CSF1R: variants seen among roughly 807,000 people sequenced by gnomAD.
The protein encoded by CSF1R is colony stimulating factor 1 receptor, also known as macrophage colony-stimulating factor 1 receptor.
CSF1R carries 40 observed loss-of-function variants against 110.0 expected under a neutral mutation model. The observed-to-expected ratio is 0.36, with a 90% CI of 0.28 to 0.47. CSF1R has a LOEUF of 0.47. Ranked by LOEUF, CSF1R falls within the 20% of genes least tolerant of loss-of-function variation. The probability of loss-of-function intolerance (pLI) is 0.99; values close to 1 mark genes in which losing one functional copy is unlikely to be tolerated. For synonymous variants in CSF1R, 523 were observed against 503.4 expected, an observed-to-expected ratio of 1.04 and a Z score of -0.52; for missense variants, 1,052 against 1,253.0, an observed-to-expected ratio of 0.84 and a Z score of 2.42.
intron 1 of CSF1R, among the ~76,000 whole-genome samples, chr5:150,101,369 T>C (rs918262772): frequency 2.6e-5 from 4 of 152,224 alleles, no homozygotes; most frequent in Non-Finnish European, 4.4e-5. Context: ...AGCTGAATAC[T>C]GTAGATGAGA....
At chr5:150,058,291 G>A (rs1200862135) in intron 14 of CSF1R, 2 of 456,182 alleles carry the variant, frequency 4.4e-6, no homozygotes, top group Non-Finnish European at 8.8e-6. Context: ...CACACTTGGG[G>A]TAGAGAATTT....
intron 1 of CSF1R, among the ~76,000 whole-genome samples, chr5:150,084,261 C>T (rs191827192): frequency 6.6e-6 from 1 of 150,996 alleles, no homozygotes; most frequent in Admixed American, 6.6e-5. Context: ...ACCCCGGAGG[C>T]GGAGGTTGCA....
chr5:150,055,945 G>A (rs1561904351), intron 18 of CSF1R, 81 bp downstream of exon 18: 6 of 1,286,676 alleles, frequency 4.7e-6, no homozygotes, highest in Non-Finnish European at 5.5e-6. Context: ...TGTGTCCTGG[G>A]CACCAAACAG....
At chr5:150,062,158 C>T (rs1283940386) in intron 10 of CSF1R, among the ~76,000 whole-genome samples, 2 of 152,086 alleles carry the variant, frequency 1.3e-5, no homozygotes, top group African/African-American at 2.4e-5. Flanking sequence ...AATTCCTGAG[C>T]CAGGAGGGAG....
chr5:150,085,551 T>C (rs1186421295), intron 1 of CSF1R, among the ~76,000 whole-genome samples: 2 of 151,992 alleles, frequency 1.3e-5, no homozygotes, highest in Non-Finnish European at 2.9e-5. Context: ...CCCTCCCAGA[T>C]GGAAATTCTG....
intron 6 of CSF1R, 31 bp from the exon 7 acceptor site, chr5:150,070,602 G>A (rs766428733): frequency 1.5e-5 from 22 of 1,441,246 alleles, no homozygotes; most frequent in Non-Finnish European, 2.0e-5. Context: ...GTGTTGGTGA[G>A]CCCCAGCCTA....
At chr5:150,080,011 C>CT in intron 3 of CSF1R, 41 bp downstream of exon 3, 1 of 1,591,420 alleles carries the variant, frequency 6.3e-7, no homozygotes, top group Non-Finnish European at 8.6e-7. Flanking sequence ...TCTCTGTCCC[C>CT]ACTCTTCAGG....
intron 1 of CSF1R, among the ~76,000 whole-genome samples, chr5:150,082,912 A>T (rs893208549): frequency 2.2e-4 from 34 of 152,008 alleles, no homozygotes; most frequent in African/African-American, 7.3e-4. Context: ...CTGTGATTCC[A>T]TTTGTTCCTT....
intron 5 of CSF1R, among the ~76,000 whole-genome samples, chr5:150,074,291 A>C (rs556829368): frequency 6.7e-6 from 1 of 150,030 alleles, no homozygotes; most frequent in South Asian, 2.1e-4. Context: ...TTGTATCTGA[A>C]AGAGTCCTGA....
At chr5:150,054,641 C>T (rs141757586) in intron 19 of CSF1R, 87 of 516,830 alleles carry the variant, frequency 1.7e-4, no homozygotes, top group Non-Finnish European at 2.7e-4. Context: ...CTCATTCTGA[C>T]AGATGAGGCC....
In CSF1R at chr5:150,054,427, G is replaced by A. The variant is rs1361443175; in HGVS notation, c.2658C>T (p.Tyr886=). 2 of 1,610,768 alleles carry A rather than the reference G, an allele frequency of 1.2e-6. No individual in the cohort carries two copies. Among genetic ancestry groups the A allele is most frequent in the Admixed American group, 1.7e-5 (1 of 59,704 alleles). ...AGGCCCAGCAGGCCTGCATGATGCT[G>A]TATCTGGGAGATAGGACAGAGGATG... ...AQPAFAPKNI[Y]SIMQACWALE... The change falls in exon 20 of 21, where the codon TAC becomes TAT. Residue 886 remains tyrosine (Y), a synonymous_variant. Transcript: ENST00000675795.
chr5:150,069,792 G>C (rs1757948228), intron 9 of CSF1R, 81 bp downstream of exon 9: 2 of 1,271,612 alleles, frequency 1.6e-6, no homozygotes, highest in Non-Finnish European at 2.1e-6. Flanking sequence ...CCCTCGGTGG[G>C]GGGTGGGGGA....
At chr5:150,075,202 G>A (rs564961956) in intron 5 of CSF1R, among the ~76,000 whole-genome samples, 4 of 152,228 alleles carry the variant, frequency 2.6e-5, no homozygotes, top group African/African-American at 4.8e-5. Flanking sequence ...TCTCTTCTCT[G>A]TCTCTCTCAA....
At chr5:150,102,549 G>T (rs1759435850) in intron 1 of CSF1R, among the ~76,000 whole-genome samples, 1 of 152,026 alleles carries the variant, frequency 6.6e-6, no homozygotes, top group South Asian at 2.1e-4. Context: ...GCGCAGTCTT[G>T]GCTCACTGCA....
chr5:150,087,770 G>T (rs1758903353), upstream of CSF1R, among the ~76,000 whole-genome samples: 1 of 149,624 alleles, frequency 6.7e-6, no homozygotes, highest in African/African-American at 2.5e-5. Context: ...GTTTGGTTCT[G>T]TCACCCAGGC....
chr5:150,063,336 C>A (rs1173584858), intron 10 of CSF1R, among the ~76,000 whole-genome samples: 14 of 151,920 alleles, frequency 9.2e-5, no homozygotes, highest in Non-Finnish European at 8.8e-5. Context: ...GAGTTTGACA[C>A]AGGTGAGTCG....
upstream of CSF1R, chr5:150,086,609 T>A: frequency 1.8e-6 from 1 of 545,214 alleles, no homozygotes; most frequent in Non-Finnish European, 3.3e-6. Context: ...CCCTTTTAGC[T>A]AGGCAAGGCA....
rs1325355840 is a variant in CSF1R at position 150,054,435 on chromosome 5, G to GAGAT, written c.2655-9_2655-6dup. The GAGAT allele has an allele frequency of 6.2e-7, 1 of 1,608,610 alleles. No homozygotes were observed. The highest frequency in any genetic ancestry group is 1.3e-5 in the African/African-American group (1 of 74,956). On this transcript the variant is annotated splice_region_variant and splice_polypyrimidine_tract_variant and intron_variant, in intron 19 of 20. Transcript: ENST00000675795. ...CAGGCCTGCATGATGCTGTATCTGG[G>GAGAT]AGATAGGACAGAGGATGCCCATGGG...
chr5:150,109,467 C>T lies in CSF1R; in HGVS notation c.-181+3794G>A, dbSNP rs574525093. 2.0e-4 allele frequency among the ~76,000 whole-genome samples: 31 copies of T among 152,330 alleles called. 1 individual carries two copies. The highest frequency in any genetic ancestry group is 2.1e-4 in the Non-Finnish European group (14 of 68,026). The stretch of plus-strand genomic sequence containing the variant: ...CAGCACTGAATGGCACTGTGGGAAG[C>T]TTCCTGCCTTGCCAAGTCCTCTGGG... On this transcript the variant is annotated intron_variant, in intron 1 of 21. Transcript: ENST00000286301.
Sources: allele counts gnomAD v4.1 joint callset (sites outside exome capture counted in the v4.1 genomes callset), GRCh38; gene constraint gnomAD v4.1.1; transcripts MANE v1.5; gene names NCBI Gene and HGNC (gene_info 2026-07-23, HGNC 2026-07-21).